Variants in NSMCE2 observed in about 807,000 individuals in gnomAD.
NSMCE2 encodes the protein NSE2 SUMO ligase component of SMC5/6 complex.
In NSMCE2, 24 loss-of-function variants were observed where a neutral mutation model predicts 23.8. The observed-to-expected ratio is 1.01, with a 90% CI of 0.73 to 1.42. NSMCE2 has a LOEUF of 1.42. Among genes scored for constraint, NSMCE2 ranks in the 40% most tolerant of loss-of-function variants. The pLI is 0.00. For synonymous variants in NSMCE2, 92 were observed against 94.1 expected (o/e 0.98, Z 0.13); for missense variants, 284 against 296.5 (o/e 0.96, Z 0.31).
chr8:125,334,485 G>C (rs1830000142), intron 5 of NSMCE2, among the ~76,000 whole-genome samples: 1 of 152,188 alleles, frequency 6.6e-6, no homozygotes, highest in Non-Finnish European at 1.5e-5. Flanking sequence ...CCCTGGCTTA[G>C]AGGACCGAAG....
intron 3 of NSMCE2, among the ~76,000 whole-genome samples, chr8:125,103,317 G>T (rs1302462685): frequency 6.6e-6 from 1 of 151,278 alleles, no homozygotes; most frequent in Non-Finnish European, 1.5e-5. Context: ...AAAAAAAAAA[G>T]AAAAAAGATG....
chr8:125,147,028 A>G (rs562111718), intron 3 of NSMCE2, among the ~76,000 whole-genome samples: 7 of 152,186 alleles, frequency 4.6e-5, no homozygotes, highest in Middle Eastern at 3.2e-3. Context: ...ATATATAATC[A>G]TTGTCATTAC....
intron 4 of NSMCE2, among the ~76,000 whole-genome samples, chr8:125,168,527 C>G (rs74570397): frequency 0.022 from 3,291 of 152,332 alleles, 128 homozygotes; most frequent in African/African-American, 0.076. Flanking sequence ...AAGGTGCTGG[C>G]ATGTTCAGCA....
At chr8:125,123,761 A>G (rs954427515) in intron 3 of NSMCE2, among the ~76,000 whole-genome samples, 1 of 152,270 alleles carries the variant, frequency 6.6e-6, no homozygotes, top group African/African-American at 2.4e-5. Flanking sequence ...ATTTCAGCAG[A>G]TAATTAATTT....
chr8:125,291,541 C>G (rs1828105601), intron 5 of NSMCE2, among the ~76,000 whole-genome samples: 1 of 152,046 alleles, frequency 6.6e-6, no homozygotes, highest in South Asian at 2.1e-4. Context: ...ATTAAGATTA[C>G]AAATCACACA....
At chr8:125,187,603 T>G (rs1823162419) in intron 5 of NSMCE2, among the ~76,000 whole-genome samples, 1 of 152,164 alleles carries the variant, frequency 6.6e-6, no homozygotes, top group African/African-American at 2.4e-5. Context: ...CAAGCAATCT[T>G]TCTGGCGTCT....
At chr8:125,180,490 A>G (rs1822752445) in intron 4 of NSMCE2, among the ~76,000 whole-genome samples, 1 of 152,224 alleles carries the variant, frequency 6.6e-6, no homozygotes, top group Non-Finnish European at 1.5e-5. Flanking sequence ...AAAGAAGATT[A>G]TGTCTTTTCT....
At chr8:125,110,742 A>C (rs1174429594) in intron 3 of NSMCE2, among the ~76,000 whole-genome samples, 2 of 140,742 alleles carry the variant, frequency 1.4e-5, no homozygotes, top group African/African-American at 5.4e-5. Context: ...CGTTTTGCTT[A>C]GATAATTTTG....
chr8:125,106,776 A>G (rs1162650057), intron 3 of NSMCE2, among the ~76,000 whole-genome samples: 3 of 151,814 alleles, frequency 2.0e-5, no homozygotes, highest in African/African-American at 7.3e-5. Context: ...CTGGAGGATC[A>G]CCTGAGTTCA....
intron 5 of NSMCE2, among the ~76,000 whole-genome samples, chr8:125,320,069 A>G (rs12545259): frequency 0.91 from 137,259 of 151,286 alleles, 62,445 homozygotes; most frequent in African/African-American, 0.98. Flanking sequence ...CCACCTGCTC[A>G]GGAGGCTGCG....
intron 5 of NSMCE2, among the ~76,000 whole-genome samples, chr8:125,315,200 GTAGA>G (rs1383632357): frequency 6.6e-6 from 1 of 152,050 alleles, no homozygotes; most frequent in Non-Finnish European, 1.5e-5. Context: ...GACAGGAGAA[GTAGA>G]TAGGTAAGGA....
At chr8:125,140,138 A>G (rs976944650) in intron 3 of NSMCE2, among the ~76,000 whole-genome samples, 1 of 152,224 alleles carries the variant, frequency 6.6e-6, no homozygotes, top group Non-Finnish European at 1.5e-5. Context: ...TTTCAACCGT[A>G]TGCTTGATTA....
chr8:125,303,331 A>G (rs751700650), intron 5 of NSMCE2, among the ~76,000 whole-genome samples: 2 of 152,222 alleles, frequency 1.3e-5, no homozygotes, highest in Admixed American at 1.3e-4. Flanking sequence ...AGTGCAGAAC[A>G]TGAAGAACAG....
intron 3 of NSMCE2, among the ~76,000 whole-genome samples, chr8:125,146,097 A>G (rs147557207): frequency 1.1e-3 from 171 of 152,316 alleles, no homozygotes; most frequent in African/African-American, 3.9e-3. Flanking sequence ...TCTGAGTGGC[A>G]TTGTCTAGTG....
chr8:125,328,199 A>G (rs1563787896), intron 5 of NSMCE2, among the ~76,000 whole-genome samples: 1 of 150,094 alleles, frequency 6.7e-6, no homozygotes, highest in Non-Finnish European at 1.5e-5. Flanking sequence ...ATTGAAATTG[A>G]CAGTCAGAAT....
intron 4 of NSMCE2, among the ~76,000 whole-genome samples, chr8:125,180,786 A>G (rs1171464790): frequency 6.6e-6 from 1 of 151,914 alleles, no homozygotes. Flanking sequence ...TGTACTATAT[A>G]CTAATAATAA....
At chr8:125,145,665 G>A (rs1050840590) in intron 3 of NSMCE2, among the ~76,000 whole-genome samples, 1 of 152,188 alleles carries the variant, frequency 6.6e-6, no homozygotes, top group Admixed American at 6.5e-5. Flanking sequence ...CTGGGGGTCG[G>A]GGGAGTCAAA....
intron 4 of NSMCE2, among the ~76,000 whole-genome samples, chr8:125,174,221 A>C (rs1822362289): frequency 6.6e-6 from 1 of 152,088 alleles, no homozygotes; most frequent in Non-Finnish European, 1.5e-5. Flanking sequence ...AGATCCAAAA[A>C]CCTCTGAGCA....
chr8:125,150,983 A>G (rs1215588572), intron 3 of NSMCE2, among the ~76,000 whole-genome samples, 188 bp from the exon 4 acceptor site: 1 of 152,072 alleles, frequency 6.6e-6, no homozygotes, highest in Non-Finnish European at 1.5e-5. Flanking sequence ...TGAATGAAGC[A>G]TCATATGGTG....
Sources: allele counts gnomAD v4.1 joint callset (sites outside exome capture counted in the v4.1 genomes callset), GRCh38; gene constraint gnomAD v4.1.1; transcripts MANE v1.5; gene names NCBI Gene and HGNC (gene_info 2026-07-23, HGNC 2026-07-21).